PDLIM5: variants seen among roughly 807,000 people sequenced by gnomAD.
The protein encoded by PDLIM5 is PDZ and LIM domain 5.
A neutral mutation model predicts 64.2 loss-of-function variants in PDLIM5; 34 were observed. That is an observed-to-expected ratio of 0.53 (90% CI 0.40 to 0.71). The LOEUF (loss-of-function observed/expected upper bound fraction) is 0.71, where lower values mean the gene tolerates loss of function less well. PDLIM5 is among the 30% of genes least tolerant of loss of function. The pLI, the probability that PDLIM5 is intolerant of heterozygous loss-of-function variation, is 0.00. For missense variants in PDLIM5, 683 were observed against 733.6 expected (o/e 0.93, Z 0.80); for synonymous variants, 253 against 269.1 (o/e 0.94, Z 0.59).
chr4:94,556,283 A>G (rs1733313280), intron 3 of PDLIM5, among the ~76,000 whole-genome samples: 1 of 152,044 alleles, frequency 6.6e-6, no homozygotes, highest in Non-Finnish European at 1.5e-5. Context: ...TATGTGCCAC[A>G]TTTTCTTAAT....
Position 94,514,220 on chromosome 4 carries a change from T to A in PDLIM5, c.97-9504T>A, listed in dbSNP as rs1450069498. Among the ~76,000 whole-genome samples, 7 of 150,852 alleles carry A rather than the reference T, an allele frequency of 4.6e-5. No individual in the cohort carries two copies. The East Asian group carries it at 1.4e-3, about 30-fold the overall frequency. On this transcript the variant is annotated intron_variant, in intron 2 of 12. Coordinates refer to ENST00000317968, the MANE Select transcript of PDLIM5 (RefSeq NM_006457.5). ...CGCAATCTGGGCTCACTGCAAGCTC[T>A]GCCTCCTGGGTTCATGCCATTCTCC... is the stretch of plus-strand genomic sequence containing the variant.
chr4:94,494,432 GTTT>G (rs61675663), intron 2 of PDLIM5, among the ~76,000 whole-genome samples: 46 of 70,774 alleles, frequency 6.5e-4, no homozygotes, highest in Admixed American at 4.3e-3. Context: ...TTTTTTTCTT[GTTT>G]TTTTTTTTTT....
intron 2 of PDLIM5, among the ~76,000 whole-genome samples, chr4:94,513,134 C>A (rs1729044546): frequency 1.3e-5 from 2 of 152,084 alleles, no homozygotes; most frequent in Non-Finnish European, 2.9e-5. Context: ...GTTAATATAA[C>A]CCTGTAGTGT....
intron 8 of PDLIM5, among the ~76,000 whole-genome samples, chr4:94,620,950 A>G (rs1404749798): frequency 7.3e-6 from 1 of 136,920 alleles, no homozygotes; most frequent in African/African-American, 3.6e-5. Flanking sequence ...GGGCACCTAT[A>G]GTCCTAGCTA....
intron 3 of PDLIM5, among the ~76,000 whole-genome samples, chr4:94,564,078 C>T (rs1189512400): frequency 6.6e-6 from 1 of 151,608 alleles, no homozygotes; most frequent in Non-Finnish European, 1.5e-5. Context: ...ATTCTCCTGC[C>T]TCAGCCTCCT....
intron 2 of PDLIM5, 82 bp from the exon 3 acceptor site, chr4:94,523,642 T>C (rs1425182769): frequency 9.9e-7 from 1 of 1,011,236 alleles, no homozygotes; most frequent in Admixed American, 2.3e-5. Context: ...ATACTTTTGG[T>C]ATAAGCAAAA....
At position 94,640,416 on chromosome 4, in the gene PDLIM5, A is replaced by C; in HGVS notation, c.1249A>C (p.Thr417Pro). ...RAEHIPAGKR[T>P]PMCAHCNQVI... Reference sequence around the variant, plus strand: ...TGAGCACATTCCAGCAGGGAAACGAACTCCGATGTGCGCCCATTGTAACCA... The same window carrying C: ...TGAGCACATTCCAGCAGGGAAACGACCTCCGATGTGCGCCCATTGTAACCA... Residue 417 changes from threonine to proline, a missense_variant, in exon 9 of 13, where the codon ACT (threonine) becomes CCT (proline). By Grantham distance (38) the Thr-to-Pro change is conservative. Transcript: ENST00000317968. 1 of 1,607,742 alleles carries C rather than the reference A, an allele frequency of 6.2e-7. No homozygotes were observed. The highest frequency in any genetic ancestry group is 8.5e-7 in the Non-Finnish European group (1 of 1,176,590).
At chr4:94,609,718 C>T (rs138847335) in intron 7 of PDLIM5, among the ~76,000 whole-genome samples, 61 of 152,174 alleles carry the variant, frequency 4.0e-4, no homozygotes, top group African/African-American at 1.3e-3. Flanking sequence ...TAAAATGTCA[C>T]GCTGTCAGTA....
chr4:94,528,788 A>G (rs1185250520), intron 3 of PDLIM5, among the ~76,000 whole-genome samples: 1 of 152,212 alleles, frequency 6.6e-6, no homozygotes, highest in African/African-American at 2.4e-5. Context: ...ATTACACGGA[A>G]TATTATAGGG....
At chr4:94,523,592 TAAAC>T (rs1159740373) in intron 2 of PDLIM5, 128 bp from the exon 3 acceptor site, 7 of 526,744 alleles carry the variant, frequency 1.3e-5, no homozygotes, top group Admixed American at 3.3e-5. Context: ...CTGTACATGT[TAAAC>T]AAGACAGTTT....
intron 1 of PDLIM5, among the ~76,000 whole-genome samples, chr4:94,453,721 C>T (rs926156567): frequency 5.3e-5 from 8 of 152,154 alleles, no homozygotes; most frequent in Non-Finnish European, 8.8e-5. Context: ...CCTTTTATAG[C>T]GGGAAAGCAA....
chr4:94,590,436 A>G (rs543359148), intron 7 of PDLIM5, among the ~76,000 whole-genome samples: 1 of 152,356 alleles, frequency 6.6e-6, no homozygotes, highest in East Asian at 1.9e-4. Context: ...TTTCAAATGC[A>G]TAATTGCTGT....
Position 94,619,898 on chromosome 4 carries a change from C to T in PDLIM5, c.1108+1707C>T, listed in dbSNP as rs558638683. Among the ~76,000 whole-genome samples, 150 of 152,296 alleles carry T rather than the reference C, an allele frequency of 9.8e-4. 1 individual carries two copies. The South Asian group carries it at 0.013, about 13-fold the overall frequency. On this transcript the variant is annotated intron_variant, in intron 8 of 12. Coordinates refer to ENST00000317968, the MANE Select transcript of PDLIM5 (RefSeq NM_006457.5). ...TTGTCTTCCCAAAGCATTGGGATTA[C>T]AGGTGTGAGCTCTCATGCTTGGCCA...
At position 94,545,126 on chromosome 4, in the gene PDLIM5, G is replaced by A. The variant is rs114173016; in HGVS notation, c.248+21251G>A. The stretch of plus-strand genomic sequence containing the variant: ...TTTTGTAGTTAGTTTACTTTAAAAA[G>A]TTAAGCCTCAATTTGATAGTTTGCC... On this transcript the variant is annotated intron_variant, in intron 3 of 12. Coordinates refer to ENST00000317968, the MANE Select transcript of PDLIM5 (RefSeq NM_006457.5). Among the ~76,000 whole-genome samples the A allele has an allele frequency of 5.0e-3, 755 of 152,238 alleles. 8 individuals are homozygous for A. Among genetic ancestry groups the A allele is most frequent in the African/African-American group, 0.016 (662 of 41,540 alleles).
intron 3 of PDLIM5, among the ~76,000 whole-genome samples, chr4:94,527,971 C>A (rs1730524560): frequency 6.6e-6 from 1 of 152,206 alleles, no homozygotes; most frequent in Non-Finnish European, 1.5e-5. Context: ...GAGATCTAAG[C>A]TGGGCACAGA....
chr4:94,503,395 G>A (rs538308012), intron 2 of PDLIM5, among the ~76,000 whole-genome samples: 1 of 152,210 alleles, frequency 6.6e-6, no homozygotes, highest in South Asian at 2.1e-4. Flanking sequence ...TCTGTCTTTA[G>A]CCAGTAGAAT....
intron 3 of PDLIM5, among the ~76,000 whole-genome samples, chr4:94,555,373 T>C (rs895237953): frequency 6.6e-5 from 10 of 152,222 alleles, no homozygotes; most frequent in African/African-American, 1.7e-4. Context: ...TTTTTACTTA[T>C]GATATTTCCA....
chr4:94,606,538 A>G (rs760087922), intron 7 of PDLIM5, among the ~76,000 whole-genome samples: 18 of 152,220 alleles, frequency 1.2e-4, no homozygotes, highest in Non-Finnish European at 2.4e-4. Flanking sequence ...GGCCCAGTGG[A>G]CTGGAGCAAG....
At chr4:94,487,603 C>T (rs1040649100) in intron 2 of PDLIM5, among the ~76,000 whole-genome samples, 2 of 152,114 alleles carry the variant, frequency 1.3e-5, no homozygotes, top group South Asian at 2.1e-4. Context: ...CTGTGTTTCT[C>T]CTTGACAGTG....
Sources: allele counts gnomAD v4.1 joint callset (sites outside exome capture counted in the v4.1 genomes callset), GRCh38; gene constraint gnomAD v4.1.1; transcripts MANE v1.5; gene names NCBI Gene and HGNC (gene_info 2026-07-23, HGNC 2026-07-21).